TNRC6C: variants seen among roughly 807,000 people sequenced by gnomAD.
TNRC6C encodes the protein trinucleotide repeat containing adaptor 6C.
Under a neutral mutation model 153.7 loss-of-function variants are expected in TNRC6C, and 20 were observed. That is an observed-to-expected ratio of 0.13 (90% CI 0.09 to 0.19). The LOEUF (loss-of-function observed/expected upper bound fraction) is 0.19, where lower values mean the gene tolerates loss of function less well. Among genes scored for constraint, TNRC6C ranks in the 10% least tolerant of loss-of-function variants. The pLI is 1.00. For synonymous variants in TNRC6C, 811 were observed against 841.4 expected (o/e 0.96, Z 0.63); for missense variants, 1,987 against 2,172.0 (o/e 0.91, Z 1.69).
chr17:77,963,159 A>G (rs2070874042), intron 1 of TNRC6C, among the ~76,000 whole-genome samples: 1 of 152,256 alleles, frequency 6.6e-6, no homozygotes, highest in East Asian at 1.9e-4. Context: ...TTTTCAGCTT[A>G]TACATAACTT....
chr17:78,058,668 C>G (rs2311443), intron 3 of TNRC6C, among the ~76,000 whole-genome samples: 15,377 of 152,218 alleles, frequency 0.1, 853 homozygotes, highest in East Asian at 0.18. Context: ...AACTGGCAGG[C>G]AGTATACTGC....
At chr17:77,988,164 C>A (rs774422703) in intron 1 of TNRC6C, among the ~76,000 whole-genome samples, 5 of 152,162 alleles carry the variant, frequency 3.3e-5, no homozygotes, top group Non-Finnish European at 5.9e-5. Context: ...CCAGCCTGGG[C>A]AACAGGGTGA....
chr17:78,015,161 A>G (rs1445494166), intron 1 of TNRC6C, among the ~76,000 whole-genome samples: 1 of 152,110 alleles, frequency 6.6e-6, no homozygotes, highest in Non-Finnish European at 1.5e-5. Flanking sequence ...GATTTTTGAC[A>G]ATTTTTTTCA....
chr17:78,067,745 C>T lies in TNRC6C; in HGVS notation c.2612-12C>T. ...CATGAATTTGATAAGTTCATGTTTG[C>T]TCTGTTTCTAGCTTCAAAATCTATG... is the stretch of plus-strand genomic sequence containing the variant. On this transcript the variant is annotated splice_polypyrimidine_tract_variant and intron_variant, in intron 4 of 19. Coordinates refer to ENST00000301624, the Ensembl canonical transcript of TNRC6C. 6.3e-7 allele frequency: 1 copy of T among 1,599,352 alleles called. No homozygotes were observed. The highest frequency in any genetic ancestry group is 1.1e-5 in the South Asian group (1 of 88,570).
At chr17:78,021,415 T>C (rs950252586) in intron 1 of TNRC6C, among the ~76,000 whole-genome samples, 5 of 152,382 alleles carry the variant, frequency 3.3e-5, no homozygotes, top group Admixed American at 2.0e-4. Context: ...AAGGCTGTTA[T>C]AAAGTAAAAG....
intron 4 of TNRC6C, 144 bp from the exon 7 acceptor site, chr17:78,067,613 C>A: frequency 1.2e-6 from 1 of 842,122 alleles, no homozygotes; most frequent in Non-Finnish European, 1.8e-6. Flanking sequence ...AAATTCAATT[C>A]TGAGATCTGG....
intron 1 of TNRC6C, among the ~76,000 whole-genome samples, chr17:77,965,454 C>A (rs61552515): frequency 0.042 from 6,429 of 152,258 alleles, 436 homozygotes; most frequent in African/African-American, 0.15. Context: ...GAATAATTTG[C>A]CCCAAATCAG....
intron 2 of TNRC6C, among the ~76,000 whole-genome samples, chr17:78,032,957 A>G (rs1308989624): frequency 2.0e-5 from 3 of 152,240 alleles, no homozygotes; most frequent in Admixed American, 6.5e-5. Context: ...GATAAAATAT[A>G]TTCACTGACC....
At chr17:77,990,044 T>C (rs1296034597) in intron 1 of TNRC6C, among the ~76,000 whole-genome samples, 1 of 152,224 alleles carries the variant, frequency 6.6e-6, no homozygotes, top group Non-Finnish European at 1.5e-5. Flanking sequence ...CCAGTGTTTA[T>C]CTTAGTGAAC....
chr17:78,093,068 G>A lies in TNRC6C; in HGVS notation c.4106G>A (p.Arg1369His), dbSNP rs781193694. ...GTAGCTGTTCCCCATAGCTGGTCACGTGCCAAATCTGACAGTGATAAAATC... is the reference window on the plus strand; with the variant it reads ...GTAGCTGTTCCCCATAGCTGGTCACATGCCAAATCTGACAGTGATAAAATC... Residue 1369 changes from arginine (R) to histidine (H), a missense_variant, in exon 15 of 20, where the codon CGT becomes CAT. By Grantham distance (29) the Arg-to-His change is conservative (BLOSUM62 0). Around this residue, in one of 4 missense-constraint regions of TNRC6C, gnomAD observed 765 missense variants for 908.6 expected, o/e 0.84. Transcript: ENST00000301624. The A allele has an allele frequency of 7.4e-5, 119 of 1,613,530 alleles. No homozygotes were observed. The highest frequency in any genetic ancestry group is 9.2e-5 in the Non-Finnish European group (109 of 1,179,876).
At chr17:77,967,886 G>A (rs2070910636) in intron 1 of TNRC6C, among the ~76,000 whole-genome samples, 1 of 152,158 alleles carries the variant, frequency 6.6e-6, no homozygotes. Context: ...CTCCTTTAGG[G>A]AAAACTCTCT....
Position 78,104,406 on chromosome 17 carries a change from C to T in TNRC6C, c.4713-79C>T, listed in dbSNP as rs1039947896. The T allele has an allele frequency of 3.5e-6, 5 of 1,416,358 alleles. No individual in the cohort carries two copies. The Admixed American group carries it at 1.3e-4, about 37-fold the overall frequency. The allele number at this position is 1,416,358 out of a possible 1,614,324, so 87.7% of individuals were successfully genotyped here. A position where few individuals can be genotyped will look rare whatever the true frequency, so the allele number is the denominator to read the frequency against. On this transcript the variant is annotated intron_variant, in intron 19 of 19. Coordinates refer to ENST00000301624, the Ensembl canonical transcript of TNRC6C. The surrounding 1 kb of genome is among the most constrained non-coding windows in gnomAD (Gnocchi z 6.2). ...GATGGCTTCCATGTGGGGCCGTTCC[C>T]AATACAGAGAAAGCCAGTGCCACGA...
At chr17:78,067,657 G>A in intron 4 of TNRC6C, 100 bp from the exon 7 acceptor site, 1 of 1,283,024 alleles carries the variant, frequency 7.8e-7, no homozygotes, top group South Asian at 1.7e-5. Context: ...AGATTACAAT[G>A]CATCATTTGT....
intron 1 of TNRC6C, among the ~76,000 whole-genome samples, chr17:77,962,415 A>AACT (rs1282844341): frequency 6.6e-6 from 1 of 152,212 alleles, no homozygotes; most frequent in Non-Finnish European, 1.5e-5. Context: ...TTTGGCTGTG[A>AACT]ACTCTAGGCT....
chr17:78,049,936 G>C lies in TNRC6C; in HGVS notation c.874G>C (p.Gly292Arg), dbSNP rs1265039793. 1.2e-6 allele frequency: 2 copies of C among 1,613,960 alleles called. No homozygotes were observed. Among genetic ancestry groups the C allele is most frequent in the African/African-American group, 1.3e-5 (1 of 74,944 alleles). Residue 292 changes from glycine to arginine, a missense_variant, in exon 3 of 20, where the codon GGA becomes CGA. By Grantham distance (125) the Gly-to-Arg change is moderately radical. Around this residue, in one of 4 missense-constraint regions of TNRC6C, gnomAD observed 1,052 missense variants for 1,017.0 expected, o/e 1.03. Transcript: ENST00000301624. The surrounding 1 kb of genome is among the most constrained non-coding windows in gnomAD (Gnocchi z 4.1). Reference sequence around the variant, plus strand: ...ATCCAGCAGTGCTGTGCAAAAGGAAGGAAGTGGAGGAAATGCTTGGGATTC... The same window carrying C: ...ATCCAGCAGTGCTGTGCAAAAGGAACGAAGTGGAGGAAATGCTTGGGATTC...
chr17:78,056,573 C>T lies in TNRC6C; in HGVS notation c.2395+5116C>T, dbSNP rs144619528. The stretch of plus-strand genomic sequence containing the variant: ...CCGCCTCCCAGGTTCACGCCATTCT[C>T]GTGCCTCAGCCTCCCGAGTAGCTAG... On this transcript the variant is annotated intron_variant, in intron 3 of 19. Coordinates refer to ENST00000301624, the Ensembl canonical transcript of TNRC6C. Among the ~76,000 whole-genome samples, 1,443 of 151,810 alleles carry T rather than the reference C, an allele frequency of 9.5e-3. 15 individuals are homozygous for T. Among genetic ancestry groups the T allele is most frequent in the South Asian group, 0.037 (178 of 4,792 alleles).
At chr17:77,968,547 G>A (rs1238198664) in intron 1 of TNRC6C, among the ~76,000 whole-genome samples, 1 of 151,350 alleles carries the variant, frequency 6.6e-6, no homozygotes, top group Admixed American at 6.6e-5. Flanking sequence ...TCACCATGTT[G>A]GCCAGGATGG....
chr17:78,058,349 A>G (rs1281504672), intron 3 of TNRC6C, among the ~76,000 whole-genome samples: 1 of 152,228 alleles, frequency 6.6e-6, no homozygotes, highest in Non-Finnish European at 1.5e-5. Context: ...CTCAGACATA[A>G]TATTCTGGGA....
chr17:78,045,368 G>A (rs1001651180), intron 2 of TNRC6C, among the ~76,000 whole-genome samples: 10 of 152,118 alleles, frequency 6.6e-5, no homozygotes, highest in African/African-American at 2.4e-4. Context: ...AGCTATTGGG[G>A]ATGGATATTG....
Sources: allele counts gnomAD v4.1 joint callset (sites outside exome capture counted in the v4.1 genomes callset), GRCh38; gene constraint gnomAD v4.1.1; regional missense constraint gnomAD v4.1.1; non-coding constraint Gnocchi (gnomAD v3.1); transcripts MANE v1.5; gene names NCBI Gene and HGNC (gene_info 2026-07-23, HGNC 2026-07-21).